Variants in C16orf96 observed in about 807,000 individuals in gnomAD.
C16orf96 encodes the protein uncharacterized protein C16orf96.
In C16orf96, 108 loss-of-function variants were observed where a neutral mutation model predicts 103.6. That is an observed-to-expected ratio of 1.04 (90% confidence interval 0.89 to 1.22). The LOEUF is 1.22. C16orf96 is among the 50% of genes most tolerant of loss of function. The pLI, the probability that C16orf96 is intolerant of heterozygous loss-of-function variation, is 0.00. For missense variants in C16orf96, 1,586 were observed against 1,464.2 expected (o/e 1.08, Z -1.36); for synonymous variants, 566 against 593.5 (o/e 0.95, Z 0.67).
chr16:4,572,306 C>CTTTTTTT (rs3992632), intron 2 of C16orf96, among the ~76,000 whole-genome samples: 2,440 of 131,614 alleles, frequency 0.019, 141 homozygotes, highest in African/African-American at 0.048. Context: ...ACTTATATTT[C>CTTTTTTT]TTTTTTTTTT....
At chr16:4,547,649 T>TTCCTTCCTTCC in the C16orf96 span, among the ~76,000 whole-genome samples, 4 of 119,094 alleles carry the variant, frequency 3.4e-5, no homozygotes, top group African/African-American at 1.4e-4. Flanking sequence ...TCTTTCTTTC[T>TTCCTTCCTTCC]TTCCTTCCTT....
At chr16:4,596,107 C>T (rs538896047) in intron 14 of C16orf96, among the ~76,000 whole-genome samples, 1 of 152,224 alleles carries the variant, frequency 6.6e-6, no homozygotes, top group East Asian at 1.9e-4. Flanking sequence ...CACCCTGATT[C>T]GTCTCCTGGG....
intron 15 of C16orf96, 45 bp downstream of exon 15, chr16:4,599,409 G>A: frequency 6.7e-7 from 1 of 1,494,896 alleles, no homozygotes; most frequent in South Asian, 1.2e-5. Context: ...GATTCTGGAA[G>A]GGTCTCCAGT....
the C16orf96 span, among the ~76,000 whole-genome samples, chr16:4,548,199 A>G: frequency 1.3e-5 from 2 of 152,084 alleles, no homozygotes; most frequent in Non-Finnish European, 2.9e-5. Flanking sequence ...TTCCTGCCTC[A>G]CTCGCTGTCA....
chr16:4,562,461 C>CAAAAA (rs71402546), intron 1 of C16orf96, among the ~76,000 whole-genome samples: 1 of 142,010 alleles, frequency 7.0e-6, no homozygotes, highest in Non-Finnish European at 1.5e-5. Flanking sequence ...AAGACTGTGT[C>CAAAAA]AAAAAAAAAA....
In C16orf96 at chr16:4,593,459, G is replaced by T; in HGVS notation, c.2867+143G>T. 1.3e-6 allele frequency: 1 copy of T among 766,326 alleles called. No homozygotes were observed. The highest frequency in any genetic ancestry group is 1.7e-5 in the African/African-American group (1 of 57,820). The allele number at this position is 766,326 out of a possible 1,614,324, so 47.5% of individuals were successfully genotyped here. ...GACATGGCCAGCCCTTCGCAAGACA[G>T]GCACTCCGAGAGGTGGCTGGGGCGG... On this transcript the variant is annotated intron_variant, in intron 12 of 15. Coordinates refer to ENST00000444310, the MANE Select transcript of C16orf96 (RefSeq NM_001145011.2). This position sits in a 1 kb window ranked among gnomAD's most constrained non-coding sequence, Gnocchi z 4.2.
intron 1 of C16orf96, among the ~76,000 whole-genome samples, chr16:4,564,768 G>A (rs1043301469): frequency 6.6e-6 from 1 of 152,166 alleles, no homozygotes; most frequent in African/African-American, 2.4e-5. Flanking sequence ...CCGAGATCGC[G>A]CCGCTGCACT....
intron 5 of C16orf96, among the ~76,000 whole-genome samples, chr16:4,577,973 G>T (rs1356728996): frequency 1.3e-5 from 2 of 152,092 alleles, no homozygotes; most frequent in African/African-American, 2.4e-5. Flanking sequence ...AAGCCTGAGT[G>T]GTGGCGCAGG....
At chr16:4,578,007 G>A (rs533300251) in intron 5 of C16orf96, among the ~76,000 whole-genome samples, 114 of 152,236 alleles carry the variant, frequency 7.5e-4, no homozygotes, top group African/African-American at 2.7e-3. Flanking sequence ...CTACTCAGGA[G>A]GCTGAGGTGG....
At position 4,575,966 on chromosome 16, in the gene C16orf96, G is replaced by T; in HGVS notation, c.1486G>T (p.Asp496Tyr). The T allele has an allele frequency of 1.3e-6, 2 of 1,550,256 alleles. No homozygotes were observed. Among genetic ancestry groups the T allele is most frequent in the East Asian group, 2.4e-5 (1 of 40,890 alleles). ...GGTCCCCAAAGATAGAGGTGGCAAG[G>T]ATGTGGACCCCAAGGATAGAGCTCA... ...DGVPKDRGGK[D>Y]VDPKDRAHKD... Residue 496 changes from aspartate to tyrosine, a missense_variant, in exon 5 of 16, where the codon GAT (aspartate) becomes TAT (tyrosine). By Grantham distance (160) the Asp-to-Tyr change is radical. Coordinates refer to ENST00000444310, the MANE Select transcript of C16orf96 (RefSeq NM_001145011.2).
At position 4,556,591 on chromosome 16, in the gene C16orf96, G is replaced by A; in HGVS notation, c.102G>A (p.Leu34=). The change falls in exon 1 of 16, where the codon TTG becomes TTA. Residue 34 remains leucine (L), a synonymous_variant. Transcript: ENST00000444310. ...KALHLLLHGI[L]EHIHMAELKK... is the part of the protein sequence containing the mutation. ...TGCACCTCCTGCTGCACGGCATCTT[G>A]GAGCACATCCACATGGCCGAGCTCA... 1 of 1,551,722 alleles carries A rather than the reference G, an allele frequency of 6.4e-7. No individual in the cohort carries two copies. Among genetic ancestry groups the A allele is most frequent in the Non-Finnish European group, 8.7e-7 (1 of 1,147,010 alleles).
intron 7 of C16orf96, among the ~76,000 whole-genome samples, chr16:4,581,563 G>A (rs1567450883): frequency 6.6e-6 from 1 of 151,830 alleles, no homozygotes; most frequent in Non-Finnish European, 1.5e-5. Context: ...AACCTGGGAG[G>A]CAGAGCTTGC....
At chr16:4,542,679 T>A in the C16orf96 span, among the ~76,000 whole-genome samples, 123 of 152,062 alleles carry the variant, frequency 8.1e-4, no homozygotes, top group African/African-American at 2.8e-3. Context: ...GCGCCTGTAA[T>A]CCCAGCTACT....
intron 14 of C16orf96, among the ~76,000 whole-genome samples, chr16:4,595,477 C>T (rs1424577416): frequency 6.6e-6 from 1 of 152,208 alleles, no homozygotes; most frequent in Non-Finnish European, 1.5e-5. Context: ...CTGGCCGGCT[C>T]CTGCTGGGAC....
At chr16:4,592,482 T>A in intron 11 of C16orf96, 115 bp downstream of exon 11, 2 of 1,204,812 alleles carry the variant, frequency 1.7e-6, no homozygotes, top group Non-Finnish European at 1.2e-6. Flanking sequence ...TACACATCCA[T>A]ATACAGCATT....
intron 9 of C16orf96, among the ~76,000 whole-genome samples, chr16:4,590,562 A>C (rs1293255706): frequency 8.6e-5 from 13 of 150,322 alleles, no homozygotes; most frequent in Non-Finnish European, 1.3e-4. Context: ...TCTGTCTCAA[A>C]AATAAATAAA....
chr16:4,573,770 A>G (rs7205141), intron 2 of C16orf96, among the ~76,000 whole-genome samples: 98,919 of 147,228 alleles, frequency 0.67, 36,783 homozygotes, highest in East Asian at 0.87. Flanking sequence ...AAAAAAAAGA[A>G]AAAAGAAAAG....
the C16orf96 span, among the ~76,000 whole-genome samples, chr16:4,550,425 C>G: frequency 6.6e-6 from 1 of 152,322 alleles, no homozygotes; most frequent in East Asian, 1.9e-4. Flanking sequence ...AGAGCAAACA[C>G]TGACTGGTCC....
chr16:4,544,813 A>G, the C16orf96 span, among the ~76,000 whole-genome samples: 17 of 152,104 alleles, frequency 1.1e-4, no homozygotes, highest in Admixed American at 1.1e-3. Flanking sequence ...CTCACCTCCA[A>G]AAATGAAATT....
Sources: gnomAD v4.1 joint callset for allele counts (sites outside exome capture counted in the v4.1 genomes callset) on GRCh38, gnomAD v4.1.1 for gene constraint, Gnocchi (gnomAD v3.1) non-coding constraint, MANE v1.5 for transcripts, NCBI Gene and HGNC (gene_info 2026-07-23, HGNC 2026-07-21) for gene names.